Variants in PMPCB observed in about 807,000 individuals in gnomAD.
PMPCB encodes mitochondrial-processing peptidase subunit beta.
PMPCB carries 46 observed loss-of-function variants against 61.5 expected under a neutral mutation model. The observed-to-expected ratio is 0.75, with a 90% CI of 0.59 to 0.96. The LOEUF (loss-of-function observed/expected upper bound fraction) is 0.96. Ranked by LOEUF, PMPCB falls within the 40% of genes least tolerant of loss-of-function variation. The probability of loss-of-function intolerance (pLI) is 0.00; values close to 1 mark genes in which losing one functional copy is unlikely to be tolerated. For synonymous variants in PMPCB, 191 were observed against 201.6 expected, an observed-to-expected ratio of 0.95 and a Z score of 0.44; for missense variants, 590 against 602.4, an observed-to-expected ratio of 0.98 and a Z score of 0.22.
chr7:103,309,626 C>T (rs1017905043), intron 8 of PMPCB, among the ~76,000 whole-genome samples: 39 of 152,142 alleles, frequency 2.6e-4, no homozygotes, highest in African/African-American at 8.7e-4. Flanking sequence ...TACATGAGGG[C>T]TCTAGCATCT....
intron 8 of PMPCB, among the ~76,000 whole-genome samples, chr7:103,309,441 C>T (rs929838585): frequency 3.9e-5 from 6 of 152,126 alleles, no homozygotes; most frequent in Non-Finnish European, 7.3e-5. Context: ...TTTTGGGGAA[C>T]AAATGGATGG....
rs1452941258 is a variant in PMPCB at position 103,326,490 on chromosome 7, T to G, written c.*1432-2441T>G. On this transcript the variant is annotated intron_variant and NMD_transcript_variant, in intron 12 of 12. Coordinates refer to the PMPCB transcript ENST00000444457. Reference sequence around the variant, plus strand: ...GGGAAAGAGCAGAAACCTGGAAGACTACAATAAACAAGCCAACAGGGCACT... The same window carrying G: ...GGGAAAGAGCAGAAACCTGGAAGACGACAATAAACAAGCCAACAGGGCACT... 7 of 1,579,770 alleles carry G rather than the reference T, an allele frequency of 4.4e-6. No individual in the cohort carries two copies. The East Asian group carries it at 1.6e-4, about 35-fold the overall frequency.
chr7:103,343,069 G>A, the PMPCB span, among the ~76,000 whole-genome samples: 9 of 151,328 alleles, frequency 5.9e-5, no homozygotes, highest in South Asian at 2.1e-4. Context: ...GCGCAATCTC[G>A]GCTCACTGCA....
downstream of PMPCB, among the ~76,000 whole-genome samples, chr7:103,315,319 A>T (rs1405237669): frequency 1.3e-5 from 2 of 152,070 alleles, no homozygotes; most frequent in African/African-American, 4.8e-5. Context: ...ATATTTGCTA[A>T]TTATTTTTAC....
the PMPCB span, among the ~76,000 whole-genome samples, chr7:103,342,331 G>GT: frequency 0.018 from 2,693 of 149,312 alleles, 35 homozygotes; most frequent in Non-Finnish European, 0.027. Flanking sequence ...TTGAGATGAA[G>GT]TTTTGCTCTT....
chr7:103,326,220 C>T (rs1453059483), intron 12 of PMPCB, among the ~76,000 whole-genome samples: 3 of 152,096 alleles, frequency 2.0e-5, no homozygotes, highest in Non-Finnish European at 2.9e-5. Flanking sequence ...TCAGGTGATC[C>T]GTCCACCTCG....
At chr7:103,306,587 G>T (rs907530124) in intron 6 of PMPCB, among the ~76,000 whole-genome samples, 23 of 152,014 alleles carry the variant, frequency 1.5e-4, no homozygotes, top group African/African-American at 5.3e-4. Flanking sequence ...TCTCCATGTT[G>T]ATCAGGCTGG....
rs142468045 is a variant in PMPCB at position 103,303,876 on chromosome 7, C to T, written c.492C>T (p.Ser164=). The part of the protein sequence containing the change: ...VEILADIIQN[S]TLGEAEIERE... ...TTCTTGCTGATATAATACAAAACAG[C>T]ACATTGGGAGAAGCAGAGATTGAAC... Residue 164 remains serine, a synonymous_variant, in exon 5 of 13, where the codon AGC becomes AGT. Coordinates refer to ENST00000249269, the MANE Select transcript of PMPCB (RefSeq NM_004279.3). 713 of 1,613,380 alleles carry T rather than the reference C, an allele frequency of 4.4e-4. No homozygotes were observed. The highest frequency in any genetic ancestry group is 4.6e-4 in the Non-Finnish European group (547 of 1,179,528).
At chr7:103,330,515 C>T (rs1185213965), downstream of PMPCB, among the ~76,000 whole-genome samples, 2 of 152,082 alleles carry the variant, frequency 1.3e-5, no homozygotes, top group Admixed American at 6.6e-5. Flanking sequence ...TGCAGTGGCA[C>T]AGTCTCAGCT....
intron 6 of PMPCB, among the ~76,000 whole-genome samples, chr7:103,306,071 T>C (rs1034494292): frequency 1.1e-4 from 16 of 152,224 alleles, no homozygotes; most frequent in African/African-American, 3.1e-4. Flanking sequence ...TTATAAATGA[T>C]TGCATCTTAA....
At chr7:103,316,977 T>G (rs766507352), downstream of PMPCB, 2 of 1,613,858 alleles carry the variant, frequency 1.2e-6, no homozygotes, top group Non-Finnish European at 1.7e-6. Flanking sequence ...CTCAGCTTCC[T>G]CTTTCTCTTT....
Position 103,323,714 on chromosome 7 carries a change from A to T in PMPCB, c.*1432-5217A>T, listed in dbSNP as rs760184413. 4.0e-6 allele frequency: 5 copies of T among 1,256,492 alleles called. No individual in the cohort carries two copies. The South Asian group carries it at 7.8e-5, about 20-fold the overall frequency. The allele number at this position is 1,256,492 out of a possible 1,614,324, so 77.8% of individuals were successfully genotyped here. On this transcript the variant is annotated intron_variant and NMD_transcript_variant, in intron 12 of 12. Transcript: ENST00000444457. ...ATCAAGACAGAATAAATGAAAAAAA[A>T]TTCTTTTTAATGCAAGTGAATGAAT...
chr7:103,299,527 A>C lies in PMPCB; in HGVS notation c.325A>C (p.Lys109Gln). The C allele has an allele frequency of 1.2e-6, 2 of 1,601,186 alleles. No individual in the cohort carries two copies. The highest frequency in any genetic ancestry group is 1.7e-4 in the Middle Eastern group (1 of 6,026). The change falls in exon 3 of 13, where the codon AAG (lysine) becomes CAG (glutamine). Residue 109 changes from lysine to glutamine, a missense_variant and splice_region_variant. Transcript: ENST00000249269. ...ACACTTTCTGGAGCATATGGCTTTC[A>C]AGGCAAGTTGTAAGACTTTACAAAA... Reference protein sequence around the residue: ...TAHFLEHMAFKGTKKRSQLDL... With the variant: ...TAHFLEHMAFQGTKKRSQLDL...
intron 12 of PMPCB, chr7:103,321,938 T>C (rs779946577): frequency 5.6e-6 from 9 of 1,613,246 alleles, no homozygotes; most frequent in Non-Finnish European, 7.6e-6. Context: ...ATACCTTGCA[T>C]GAGTTTCGAA....
downstream of PMPCB, among the ~76,000 whole-genome samples, chr7:103,331,294 C>T (rs774110463): frequency 1.3e-5 from 2 of 152,140 alleles, no homozygotes; most frequent in Admixed American, 1.3e-4. Context: ...GCATAAACCA[C>T]GTAATGATCA....
intron 6 of PMPCB, among the ~76,000 whole-genome samples, chr7:103,306,033 A>G (rs1056692517): frequency 6.6e-6 from 1 of 152,212 alleles, no homozygotes; most frequent in Non-Finnish European, 1.5e-5. Flanking sequence ...ATTAGTATTC[A>G]TTTTAAATAC....
At chr7:103,327,614 C>A (rs1030560575) in intron 12 of PMPCB, 15 of 1,271,984 alleles carry the variant, frequency 1.2e-5, no homozygotes, top group Non-Finnish European at 1.7e-5. Flanking sequence ...TAATAAATAA[C>A]AATTACTATT....
At chr7:103,310,980 C>G (rs1378816655) in intron 9 of PMPCB, 1 of 152,382 alleles carries the variant, frequency 6.6e-6, no homozygotes, top group African/African-American at 2.4e-5. Context: ...AGCCACCACA[C>G]CTGGCTGAAA....
At chr7:103,325,368 C>T (rs992627263) in intron 12 of PMPCB, among the ~76,000 whole-genome samples, 10 of 151,284 alleles carry the variant, frequency 6.6e-5, no homozygotes, top group African/African-American at 2.4e-4. Context: ...ACCTGGGAGG[C>T]AGAGGTTGCG....
Sources: gnomAD v4.1 joint callset for allele counts (sites outside exome capture counted in the v4.1 genomes callset) on GRCh38, gnomAD v4.1.1 for gene constraint, MANE v1.5 for transcripts, NCBI Gene and HGNC (gene_info 2026-07-23, HGNC 2026-07-21) for gene names.